The following MAPK10 variants were observed in gnomAD, a reference collection of about 807,000 sequenced individuals.
MAPK10 encodes mitogen-activated protein kinase 10.
A neutral mutation model predicts 59.3 loss-of-function variants in MAPK10; 25 were observed. That is an observed-to-expected ratio of 0.42 (90% CI 0.31 to 0.59). The LOEUF (loss-of-function observed/expected upper bound fraction) is 0.59. Ranked by LOEUF, MAPK10 falls within the 20% of genes least tolerant of loss-of-function variation. MAPK10 has a pLI of 0.15. For missense variants in MAPK10, 351 were observed against 568.9 expected, an observed-to-expected ratio of 0.62 and a Z score of 3.90; for synonymous variants, 190 against 200.5, an observed-to-expected ratio of 0.95 and a Z score of 0.44.
intron 11 of MAPK10, among the ~76,000 whole-genome samples, chr4:86,048,817 A>C (rs2042983977): frequency 6.6e-6 from 1 of 152,098 alleles, no homozygotes; most frequent in South Asian, 2.1e-4. Context: ...AAATGTAATA[A>C]TTTTTTTAAT....
intron 1 of MAPK10, among the ~76,000 whole-genome samples, chr4:86,460,604 T>G (rs569868393): frequency 0.01 from 1,530 of 152,360 alleles, 6 homozygotes; most frequent in Non-Finnish European, 0.014. Flanking sequence ...CACTGTGACA[T>G]GCTCATGATG....
At chr4:86,257,410 G>A (rs2093791538) in intron 2 of MAPK10, among the ~76,000 whole-genome samples, 1 of 152,216 alleles carries the variant, frequency 6.6e-6, no homozygotes, top group Non-Finnish European at 1.5e-5. Flanking sequence ...TCCCTAGGCA[G>A]TCTTCTTGAG....
chr4:86,316,716 CAG>C (rs1308647862), intron 2 of MAPK10, among the ~76,000 whole-genome samples: 1 of 152,052 alleles, frequency 6.6e-6, no homozygotes, highest in Non-Finnish European at 1.5e-5. Flanking sequence ...TAGTGGCAGA[CAG>C]AGATTGTTCC....
chr4:86,436,094 G>T lies in MAPK10; in HGVS notation c.-122+16936C>A, dbSNP rs536871916. Among the ~76,000 whole-genome samples the T allele has an allele frequency of 1.1e-4, 16 of 152,106 alleles. No homozygotes were observed. In the East Asian group the frequency reaches 3.1e-3, roughly 29 times the overall value. On this transcript the variant is annotated intron_variant, in intron 1 of 13. Coordinates refer to the MAPK10 transcript ENST00000361569. ...AAATAACTTCAGAGAAAACTTTGAG[G>T]AAAGTCCTATTCAAGCAGGGAACTT...
intron 1 of MAPK10, among the ~76,000 whole-genome samples, chr4:86,471,273 T>C (rs79592504): frequency 0.32 from 36,239 of 113,188 alleles, 5,310 homozygotes; most frequent in Admixed American, 0.4. Context: ...TGTGCCCCCC[T>C]GCAAAAAAAA....
intron 2 of MAPK10, chr4:86,300,983 G>A (rs775314799): frequency 1.3e-5 from 2 of 151,900 alleles, no homozygotes; most frequent in Non-Finnish European, 2.9e-5. Context: ...GTGTGATTCT[G>A]AAGGGTTTTG....
chr4:86,190,872 G>A (rs1016374067), intron 3 of MAPK10, among the ~76,000 whole-genome samples: 1 of 152,098 alleles, frequency 6.6e-6, no homozygotes, highest in African/African-American at 2.4e-5. Context: ...ACTTTCTCCT[G>A]TGGGCATTTA....
At chr4:86,353,063 T>A (rs867828885) in intron 2 of MAPK10, among the ~76,000 whole-genome samples, 27 of 152,262 alleles carry the variant, frequency 1.8e-4, no homozygotes, top group African/African-American at 6.3e-4. Context: ...TGGCTATCCT[T>A]TCACTGTGCT....
At chr4:86,531,840 A>G (rs1331257989) in intron 1 of MAPK10, among the ~76,000 whole-genome samples, 1 of 152,042 alleles carries the variant, frequency 6.6e-6, no homozygotes, top group Non-Finnish European at 1.5e-5. Flanking sequence ...CCAGTAGGAA[A>G]TGGTGACAGG....
At chr4:86,469,776 C>T (rs775179466) in intron 1 of MAPK10, among the ~76,000 whole-genome samples, 35 of 152,142 alleles carry the variant, frequency 2.3e-4, no homozygotes, top group Non-Finnish European at 4.1e-4. Context: ...TTCCCAAATA[C>T]CAGATATAGC....
intron 4 of MAPK10, among the ~76,000 whole-genome samples, chr4:86,136,217 C>A (rs917644200): frequency 2.0e-5 from 3 of 151,962 alleles, no homozygotes; most frequent in African/African-American, 7.3e-5. Context: ...AAGAGCAACT[C>A]CAAAACACAT....
intron 1 of MAPK10, among the ~76,000 whole-genome samples, chr4:86,538,910 G>A (rs1474343279): frequency 6.6e-6 from 1 of 151,976 alleles, no homozygotes; most frequent in East Asian, 1.9e-4. Flanking sequence ...AAAATGCCTG[G>A]CCTCCTTAAT....
intron 4 of MAPK10, among the ~76,000 whole-genome samples, chr4:86,142,256 A>G (rs1220547846): frequency 6.6e-6 from 1 of 152,214 alleles, no homozygotes; most frequent in Non-Finnish European, 1.5e-5. Context: ...GAGGTATGCT[A>G]ATGTTTATGC....
At chr4:86,574,910 T>C (rs1033106335) in intron 1 of MAPK10, among the ~76,000 whole-genome samples, 18 of 152,188 alleles carry the variant, frequency 1.2e-4, no homozygotes, top group African/African-American at 4.3e-4. Flanking sequence ...CAAAATATGA[T>C]GGTTAACATG....
intron 2 of MAPK10, among the ~76,000 whole-genome samples, chr4:86,219,177 C>CAG (rs144539913): frequency 9.3e-5 from 14 of 150,580 alleles, no homozygotes; most frequent in South Asian, 2.1e-4. Flanking sequence ...TTGAGAGAGA[C>CAG]AGAGAGAGAG....
At chr4:86,077,013 C>T (rs2049630069) in intron 9 of MAPK10, among the ~76,000 whole-genome samples, 2 of 151,978 alleles carry the variant, frequency 1.3e-5, no homozygotes, top group South Asian at 4.1e-4. Context: ...TTATGAAATG[C>T]ATTGAATACA....
At position 86,072,353 on chromosome 4, in the gene MAPK10, C is replaced by T. The variant is rs1320205075; in HGVS notation, c.803-4398G>A. Among the ~76,000 whole-genome samples, 4 of 151,992 alleles carry T rather than the reference C, an allele frequency of 2.6e-5. No individual in the cohort carries two copies. In the South Asian group the frequency reaches 6.2e-4, roughly 24 times the overall value. ...TCGTCTCCAAACAGGGACAATTTGA[C>T]TTCCTCTGTTCCTAATTGAATACCG... On this transcript the variant is annotated intron_variant, in intron 9 of 13. Transcript: ENST00000641462.
At chr4:86,202,112 A>T (rs1431474596) in intron 2 of MAPK10, among the ~76,000 whole-genome samples, 1 of 151,938 alleles carries the variant, frequency 6.6e-6, no homozygotes, top group Non-Finnish European at 1.5e-5. Context: ...TATAGTTCTT[A>T]TACTCTTCTT....
intron 1 of MAPK10, among the ~76,000 whole-genome samples, chr4:86,563,158 A>G (rs946858056): frequency 6.6e-6 from 1 of 152,246 alleles, no homozygotes; most frequent in Admixed American, 6.5e-5. Flanking sequence ...AGTGTGCATG[A>G]GAAGAGAGCA....
Sources: allele counts gnomAD v4.1 joint callset (sites outside exome capture counted in the v4.1 genomes callset), GRCh38; gene constraint gnomAD v4.1.1; transcripts MANE v1.5; gene names NCBI Gene and HGNC (gene_info 2026-07-23, HGNC 2026-07-21).